Variants in CEP44 observed in about 807,000 individuals in gnomAD.
CEP44 encodes the protein centrosomal protein 44.
A neutral mutation model predicts 46.7 loss-of-function variants in CEP44; 45 were observed. The ratio of observed to expected loss-of-function variants is 0.96; its 90% CI spans 0.76 to 1.24. The LOEUF is 1.24. Ranked by LOEUF, CEP44 falls within the 50% of genes most tolerant of loss-of-function variation. CEP44 has a pLI of 0.00. For synonymous variants in CEP44, 142 were observed against 146.0 expected, an observed-to-expected ratio of 0.97 and a Z score of 0.20; for missense variants, 475 against 459.7, an observed-to-expected ratio of 1.03 and a Z score of -0.30.
intron 6 of CEP44, among the ~76,000 whole-genome samples, chr4:174,306,240 C>G (rs151101099): frequency 3.3e-5 from 5 of 151,938 alleles, no homozygotes; most frequent in African/African-American, 9.6e-5. Flanking sequence ...AGGACTTCTT[C>G]GTTGTCATTA....
At chr4:174,293,749 C>CCACT (rs1332233035) in intron 1 of CEP44, among the ~76,000 whole-genome samples, 7 of 152,100 alleles carry the variant, frequency 4.6e-5, no homozygotes, top group Non-Finnish European at 8.8e-5. Flanking sequence ...CAAATGAAGA[C>CCACT]CACTTTATTC....
chr4:174,308,571 G>A (rs1740708633), intron 6 of CEP44, 118 bp from the exon 7 acceptor site: 1 of 906,780 alleles, frequency 1.1e-6, no homozygotes, highest in East Asian at 2.6e-5. Flanking sequence ...AAACCCCCAT[G>A]GCACACATTT....
chr4:174,318,356 G>A lies in CEP44; in HGVS notation c.*973G>A. On this transcript the variant is annotated 3_prime_UTR_variant, in exon 12 of 12. Coordinates refer to ENST00000503780, the MANE Select transcript of CEP44 (RefSeq NM_001040157.3). ...CTTTTTAAGACCAGTGTAACAGAAA[G>A]AGAATGTAGCCATTCTAGCCACCGT... The A allele has an allele frequency of 1.0e-6, 1 of 985,328 alleles. No individual in the cohort carries two copies. The highest frequency in any genetic ancestry group is 4.7e-5 in the South Asian group (1 of 21,280). The allele number at this position is 985,328 out of a possible 1,614,324, so 61.0% of individuals were successfully genotyped here. A position where few individuals can be genotyped will look rare whatever the true frequency, so the allele number is the denominator to read the frequency against.
chr4:174,319,680 T>C lies in CEP44; in HGVS notation c.*2297T>C, dbSNP rs1047964081. 1.3e-6 allele frequency: 1 copy of C among 775,158 alleles called. No individual in the cohort carries two copies. Among genetic ancestry groups the C allele is most frequent in the African/African-American group, 1.9e-5 (1 of 53,364 alleles). The allele number at this position is 775,158 out of a possible 1,614,324, so 48.0% of individuals were successfully genotyped here. Reference sequence around the variant, plus strand: ...TATGTTATCAGGTGGAAATTTAGAATCCAAATTTTCTTAAACTTTAATAAC... The same window carrying C: ...TATGTTATCAGGTGGAAATTTAGAACCCAAATTTTCTTAAACTTTAATAAC... On this transcript the variant is annotated 3_prime_UTR_variant, in exon 12 of 12. Coordinates refer to ENST00000503780, the MANE Select transcript of CEP44 (RefSeq NM_001040157.3).
rs1484057035 is a variant in CEP44, at chr4:174,311,738, A to G, written c.961+880A>G. Among the ~76,000 whole-genome samples, 1 of 152,208 alleles carries G rather than the reference A, an allele frequency of 6.6e-6. No homozygotes were observed. Among genetic ancestry groups the G allele is most frequent in the East Asian group, 1.9e-4 (1 of 5,200 alleles). On this transcript the variant is annotated intron_variant, in intron 9 of 11. Coordinates refer to ENST00000503780, the MANE Select transcript of CEP44 (RefSeq NM_001040157.3). This position sits in a 1 kb window ranked among gnomAD's most constrained non-coding sequence, Gnocchi z 4.4. ...AAACTGAAGTACAGCAAAATTAAGT[A>G]ACTACAGCAAAGGTCACACAGTTAT...
chr4:174,313,792 G>A (rs1046626569), intron 9 of CEP44, among the ~76,000 whole-genome samples: 1 of 152,142 alleles, frequency 6.6e-6, no homozygotes, highest in African/African-American at 2.4e-5. Context: ...GGAGAGTAAG[G>A]AAGGTAACAC....
Position 174,319,071 on chromosome 4 carries a change from A to G in CEP44, c.*1688A>G. On this transcript the variant is annotated 3_prime_UTR_variant, in exon 12 of 12. Transcript: ENST00000503780. ...CTACTCGCCCACCTGGATGTCCCAAAGTGCTAGATTCCATGGGTGAGTCAC... is the reference window on the plus strand; with the variant it reads ...CTACTCGCCCACCTGGATGTCCCAAGGTGCTAGATTCCATGGGTGAGTCAC... 1.1e-6 allele frequency: 1 copy of G among 878,640 alleles called. No homozygotes were observed. The highest frequency in any genetic ancestry group is 1.4e-6 in the Non-Finnish European group (1 of 733,546). The allele number at this position is 878,640 out of a possible 1,614,324, so 54.4% of individuals were successfully genotyped here. A position where few individuals can be genotyped will look rare whatever the true frequency, so the allele number is the denominator to read the frequency against.
At chr4:174,296,468 T>C (rs1045067483) in intron 1 of CEP44, among the ~76,000 whole-genome samples, 2 of 152,230 alleles carry the variant, frequency 1.3e-5, no homozygotes, top group African/African-American at 4.8e-5. Context: ...TTTTCATCCA[T>C]TGTGTAACTA....
At chr4:174,304,396 A>G (rs757134378) in intron 6 of CEP44, 27 bp downstream of exon 6, 172 of 1,600,100 alleles carry the variant, frequency 1.1e-4, no homozygotes, top group Non-Finnish European at 1.4e-4. Context: ...AAAATATCAT[A>G]TTGTTTAAGA....
Position 174,299,511 on chromosome 4 carries a change from A to G in CEP44, c.89+301A>G, listed in dbSNP as rs568692392. ...AGGTATAATAGATTTTATTATTTGT[A>G]TAATCTACCATTCTCTCATATTCAG... is the stretch of plus-strand genomic sequence containing the variant. On this transcript the variant is annotated intron_variant, in intron 3 of 11. Coordinates refer to ENST00000503780, the MANE Select transcript of CEP44 (RefSeq NM_001040157.3). Among the ~76,000 whole-genome samples the G allele has an allele frequency of 3.2e-4, 49 of 152,320 alleles. 1 individual carries two copies. The highest frequency in any genetic ancestry group is 1.2e-3 in the South Asian group (6 of 4,826).
intron 1 of CEP44, among the ~76,000 whole-genome samples, chr4:174,284,612 GT>G: frequency 1.3e-5 from 2 of 152,008 alleles, no homozygotes; most frequent in Non-Finnish European, 2.9e-5. Flanking sequence ...ATGCTAGACT[GT>G]TTTTTTCCCG....
chr4:174,291,870 A>C (rs1418786396), intron 1 of CEP44, among the ~76,000 whole-genome samples: 1 of 132,152 alleles, frequency 7.6e-6, no homozygotes, highest in African/African-American at 2.9e-5. Flanking sequence ...AGCTCATTGC[A>C]ACCTCAACCT....
Position 174,312,991 on chromosome 4 carries a change from G to T in CEP44, c.961+2133G>T, listed in dbSNP as rs1741254246. Among the ~76,000 whole-genome samples the T allele has an allele frequency of 6.6e-6, 1 of 152,114 alleles. No individual in the cohort carries two copies. Among genetic ancestry groups the T allele is most frequent in the Non-Finnish European group, 1.5e-5 (1 of 68,008 alleles). On this transcript the variant is annotated intron_variant, in intron 9 of 11. Coordinates refer to ENST00000503780, the MANE Select transcript of CEP44 (RefSeq NM_001040157.3). This position sits in a 1 kb window ranked among gnomAD's most constrained non-coding sequence, Gnocchi z 4.5. ...GCAGAGGCTTTTAGGGATTGGACTTGTGTTGGATAATTTTGGAGAGGGTTT... is the reference window on the plus strand; with the variant it reads ...GCAGAGGCTTTTAGGGATTGGACTTTTGTTGGATAATTTTGGAGAGGGTTT...
intron 1 of CEP44, among the ~76,000 whole-genome samples, chr4:174,289,076 ATGT>A (rs1418859248): frequency 1.3e-5 from 2 of 152,152 alleles, no homozygotes; most frequent in African/African-American, 4.8e-5. Flanking sequence ...TGGTTGTCAT[ATGT>A]TGAACCATCC....
At chr4:174,321,870 T>C (rs1385657794), downstream of CEP44, among the ~76,000 whole-genome samples, 1 of 152,112 alleles carries the variant, frequency 6.6e-6, no homozygotes, top group Non-Finnish European at 1.5e-5. Context: ...GCAGTTTCCA[T>C]AGATGAATTA....
chr4:174,309,452 T>C lies in CEP44; in HGVS notation c.679-398T>C, dbSNP rs1740825455. Among the ~76,000 whole-genome samples the C allele has an allele frequency of 6.6e-6, 1 of 152,066 alleles. No individual in the cohort carries two copies. The highest frequency in any genetic ancestry group is 6.6e-5 in the Admixed American group (1 of 15,246). ...GCCATTGGACCTACTTCCTGTTATA[T>C]GGCAAACCGAACAATCTCAATGCAC... On this transcript the variant is annotated intron_variant, in intron 7 of 11. Coordinates refer to ENST00000503780, the MANE Select transcript of CEP44 (RefSeq NM_001040157.3). This position sits in a 1 kb window ranked among gnomAD's most constrained non-coding sequence, Gnocchi z 5.3.
rs750788616 is a variant in CEP44 at position 174,309,939 on chromosome 4, A to T, written c.768A>T (p.Lys256Asn). Residue 256 changes from lysine to asparagine, a missense_variant, in exon 8 of 12, where the codon AAA becomes AAT. Transcript: ENST00000503780. This position sits in a 1 kb window ranked among gnomAD's most constrained non-coding sequence, Gnocchi z 5.3. ...ENLKKLTSIE[K>N]RLDCLEQKMK... ...TTAAGAAACTGACTTCGATAGAGAA[A>T]AGGTTAGACTGTTTGGAACAAAAAA... 1.4e-5 allele frequency: 23 copies of T among 1,612,800 alleles called. No homozygotes were observed. The highest frequency in any genetic ancestry group is 2.0e-5 in the Non-Finnish European group (23 of 1,179,204).
At chr4:174,294,421 G>C (rs990256239) in intron 1 of CEP44, among the ~76,000 whole-genome samples, 1 of 151,682 alleles carries the variant, frequency 6.6e-6, no homozygotes, top group African/African-American at 2.4e-5. Flanking sequence ...AGAACAAAAT[G>C]AAAAGTCTCC....
At chr4:174,308,991 A>G (rs1740770322) in intron 7 of CEP44, 132 bp downstream of exon 7, 6 of 798,996 alleles carry the variant, frequency 7.5e-6, no homozygotes, top group African/African-American at 7.1e-5. Context: ...CTATGTTACA[A>G]TTACTGAAGT....
Sources: gnomAD v4.1 joint callset for allele counts (sites outside exome capture counted in the v4.1 genomes callset) on GRCh38, gnomAD v4.1.1 for gene constraint, Gnocchi (gnomAD v3.1) non-coding constraint, MANE v1.5 for transcripts, NCBI Gene and HGNC (gene_info 2026-07-23, HGNC 2026-07-21) for gene names.